Variants in FMNL2 observed in about 807,000 individuals in gnomAD.
The protein encoded by FMNL2 is formin like 2, also known as formin-like protein 2.
In FMNL2, 51 loss-of-function variants were observed where a neutral mutation model predicts 130.2. The observed-to-expected ratio is 0.39, with a 90% confidence interval of 0.31 to 0.49. FMNL2 has a LOEUF of 0.49. Ranked by LOEUF, FMNL2 falls within the 20% of genes least tolerant of loss-of-function variation. FMNL2 has a pLI of 0.85. For missense variants in FMNL2, 977 were observed against 1,316.2 expected (o/e 0.74, Z 3.99); for synonymous variants, 465 against 467.1 (o/e 1.00, Z 0.06).
At chr2:152,625,318 C>A (rs34536210) in intron 15 of FMNL2, 120 bp from the exon 16 acceptor site, 6 of 1,201,696 alleles carry the variant, frequency 5.0e-6, no homozygotes, top group Non-Finnish European at 6.8e-6. Context: ...CCTACTTGCG[C>A]GCCTCTTGCC....
At chr2:152,441,773 T>C (rs1021855021) in intron 1 of FMNL2, among the ~76,000 whole-genome samples, 2 of 151,656 alleles carry the variant, frequency 1.3e-5, no homozygotes, top group East Asian at 3.9e-4. Context: ...AGGCGGAGTT[T>C]GCAGTGAGCT....
chr2:152,453,498 C>T (rs1028686904), intron 1 of FMNL2, among the ~76,000 whole-genome samples: 3 of 152,164 alleles, frequency 2.0e-5, no homozygotes, highest in African/African-American at 7.2e-5. Flanking sequence ...ATTGCCAGGA[C>T]GCTTGTTTTG....
In FMNL2 at chr2:152,343,678, C is replaced by T. The variant is rs543235910; in HGVS notation, c.117+7958C>T. Among the ~76,000 whole-genome samples, 18 of 152,334 alleles carry T rather than the reference C, an allele frequency of 1.2e-4. No individual in the cohort carries two copies. In the South Asian group the frequency reaches 3.5e-3, roughly 30 times the overall value. ...TGGTGCTTTTAAATAACACATCTCA[C>T]TAGTCTCAAGACCTGTCTTGGTTGA... is the stretch of plus-strand genomic sequence containing the variant. On this transcript the variant is annotated intron_variant, in intron 1 of 25. Transcript: ENST00000288670.
chr2:152,603,399 G>A (rs954387058), intron 9 of FMNL2, among the ~76,000 whole-genome samples: 2 of 135,174 alleles, frequency 1.5e-5, no homozygotes, highest in Non-Finnish European at 3.2e-5. Flanking sequence ...ATTTAAGTCT[G>A]TTTTTTTTTT....
intron 1 of FMNL2, chr2:152,390,014 A>G: frequency 6.3e-7 from 1 of 1,581,678 alleles, no homozygotes; most frequent in Non-Finnish European, 8.7e-7. Flanking sequence ...TTGACCAGAA[A>G]AAGGATGCAG....
chr2:152,358,195 C>T (rs1472996660), intron 1 of FMNL2, among the ~76,000 whole-genome samples: 1 of 152,186 alleles, frequency 6.6e-6, no homozygotes, highest in Non-Finnish European at 1.5e-5. Context: ...CTTAGATTTA[C>T]ACCAGTGATT....
At chr2:152,503,904 A>G (rs557756436) in intron 1 of FMNL2, among the ~76,000 whole-genome samples, 6 of 152,174 alleles carry the variant, frequency 3.9e-5, no homozygotes, top group Admixed American at 3.3e-4. Context: ...ATGAAGAACA[A>G]TCAAGCTGGG....
At chr2:152,622,596 T>C (rs972734305) in intron 15 of FMNL2, 10 of 456,634 alleles carry the variant, frequency 2.2e-5, no homozygotes, top group Non-Finnish European at 4.4e-5. Flanking sequence ...GTATTTGCCA[T>C]GTGTTTCTGT....
At chr2:152,447,169 T>C (rs933754874) in intron 1 of FMNL2, among the ~76,000 whole-genome samples, 5 of 151,918 alleles carry the variant, frequency 3.3e-5, no homozygotes, top group African/African-American at 1.2e-4. Flanking sequence ...GGTGAGATAA[T>C]AGCTCACTGC....
chr2:152,531,266 T>C (rs1395959411), intron 2 of FMNL2, among the ~76,000 whole-genome samples: 1 of 152,140 alleles, frequency 6.6e-6, no homozygotes, highest in African/African-American at 2.4e-5. Flanking sequence ...CAATGACCCA[T>C]TTAGAGGGAC....
At chr2:152,594,852 G>A (rs1697667848) in intron 9 of FMNL2, among the ~76,000 whole-genome samples, 1 of 152,102 alleles carries the variant, frequency 6.6e-6, no homozygotes, top group Non-Finnish European at 1.5e-5. Context: ...GTCAGACTCG[G>A]TTTTCATTCA....
At chr2:152,499,067 G>T (rs369723691) in intron 1 of FMNL2, among the ~76,000 whole-genome samples, 1 of 152,158 alleles carries the variant, frequency 6.6e-6, no homozygotes, top group East Asian at 1.9e-4. Context: ...GCATTTTAAC[G>T]TAGAAGAACC....
At chr2:152,440,489 A>G (rs1014949800) in intron 1 of FMNL2, among the ~76,000 whole-genome samples, 1 of 152,224 alleles carries the variant, frequency 6.6e-6, no homozygotes, top group Admixed American at 6.5e-5. Context: ...GACTGTGTTT[A>G]GGGTCAGGAA....
chr2:152,492,515 T>G (rs1691271236), intron 1 of FMNL2, among the ~76,000 whole-genome samples: 1 of 152,248 alleles, frequency 6.6e-6, no homozygotes, highest in Admixed American at 6.5e-5. Flanking sequence ...TGATTTTATA[T>G]TAAGTGCTTT....
chr2:152,382,231 C>G (rs1008950462), intron 1 of FMNL2, among the ~76,000 whole-genome samples: 1 of 152,182 alleles, frequency 6.6e-6, no homozygotes, highest in Non-Finnish European at 1.5e-5. Flanking sequence ...CCAACTCACT[C>G]GTAGATTGTG....
intron 1 of FMNL2, among the ~76,000 whole-genome samples, chr2:152,419,312 C>A (rs1442170996): frequency 2.0e-5 from 3 of 152,132 alleles, no homozygotes; most frequent in African/African-American, 7.2e-5. Context: ...TTGAGATTTT[C>A]TCCTAGTGAT....
At chr2:152,366,452 T>A (rs61035331) in intron 1 of FMNL2, among the ~76,000 whole-genome samples, 11 of 101,832 alleles carry the variant, frequency 1.1e-4, no homozygotes, top group South Asian at 4.3e-4. Context: ...AATAAAAAAA[T>A]AAATAAAATT....
chr2:152,506,367 G>A (rs1446759803), intron 1 of FMNL2, among the ~76,000 whole-genome samples: 2 of 152,130 alleles, frequency 1.3e-5, no homozygotes, highest in East Asian at 3.8e-4. Flanking sequence ...CTGATAGAAT[G>A]TATTTGCCTA....
intron 15 of FMNL2, among the ~76,000 whole-genome samples, chr2:152,624,343 A>T (rs549575053): frequency 1.1e-3 from 170 of 151,678 alleles, no homozygotes; most frequent in Non-Finnish European, 1.6e-3. Flanking sequence ...TTTTTAGTAG[A>T]GACAGGGTTT....
Sources: allele counts gnomAD v4.1 joint callset (sites outside exome capture counted in the v4.1 genomes callset), GRCh38; gene constraint gnomAD v4.1.1; transcripts MANE v1.5; gene names NCBI Gene and HGNC (gene_info 2026-07-23, HGNC 2026-07-21).